The following FRMPD4 variants were observed in gnomAD, a reference collection of about 807,000 sequenced individuals.
The protein encoded by FRMPD4 is FERM and PDZ domain-containing protein 4.
A neutral mutation model predicts 94.1 loss-of-function variants in FRMPD4; 22 were observed. The ratio of observed to expected loss-of-function variants is 0.23; its 90% CI spans 0.17 to 0.33. The LOEUF (loss-of-function observed/expected upper bound fraction) is 0.33. Ranked by LOEUF, FRMPD4 falls within the 10% of genes least tolerant of loss-of-function variation. FRMPD4 has a pLI of 1.00. For synonymous variants in FRMPD4, 631 were observed against 548.6 expected, an observed-to-expected ratio of 1.15 and a Z score of -2.10; for missense variants, 1,111 against 1,339.9, an observed-to-expected ratio of 0.83 and a Z score of 2.67.
chrX:12,169,466 A>C (rs1317711286), intron 1 of FRMPD4, among the ~76,000 whole-genome samples: 2 of 111,831 alleles, frequency 1.8e-5, no homozygotes, highest in Admixed American at 9.5e-5. Context: ...TTTATCACTT[A>C]GATCATAGGT....
chrX:12,636,971 A>G (rs1300789594), intron 4 of FRMPD4, among the ~76,000 whole-genome samples: 4 of 111,986 alleles, frequency 3.6e-5, no homozygotes, highest in Non-Finnish European at 7.5e-5. Flanking sequence ...GTTGCTCCAA[A>G]TCTGGGATGA....
rs763246507 is a variant in FRMPD4 at position 11,847,197 on chromosome X, C to G, written c.-160-17889C>G. 1.2e-4 allele frequency among the ~76,000 whole-genome samples: 13 copies of G among 111,162 alleles called. No individual in the cohort carries two copies. In the East Asian group the frequency reaches 3.1e-3, roughly 26 times the overall value. ...AACAAATTTACAAGCAAAAAACAAA[C>G]AACCCCATCAAAAAGTGGGCGAAGG... On this transcript the variant is annotated intron_variant, in intron 1 of 18. Coordinates refer to the FRMPD4 transcript ENST00000640291.
chrX:12,528,972 C>A (rs2058256793), intron 2 of FRMPD4, among the ~76,000 whole-genome samples: 1 of 112,571 alleles, frequency 8.9e-6, no homozygotes, highest in African/African-American at 3.2e-5. Flanking sequence ...TGTTAGTTAT[C>A]TATTGCTGCA....
intron 3 of FRMPD4, among the ~76,000 whole-genome samples, chrX:11,914,897 A>G (rs1316590439): frequency 1.8e-5 from 2 of 112,449 alleles, no homozygotes; most frequent in Non-Finnish European, 3.8e-5. Context: ...TCACTTAGAC[A>G]TTTTCACGTT....
intron 1 of FRMPD4, among the ~76,000 whole-genome samples, chrX:12,167,254 C>G (rs765730436): frequency 1.8e-5 from 2 of 111,840 alleles, no homozygotes; most frequent in African/African-American, 6.5e-5. Flanking sequence ...TATGTTGTGT[C>G]TTTGTTCTGG....
In FRMPD4 at chrX:12,429,493, C is replaced by G. The variant is rs141378791; in HGVS notation, c.42-69187C>G. 2.1e-3 allele frequency among the ~76,000 whole-genome samples: 230 copies of G among 111,970 alleles called. 1 individual carries two copies. Among genetic ancestry groups the G allele is most frequent in the Admixed American group, 3.4e-3 (36 of 10,620 alleles). On this transcript the variant is annotated intron_variant, in intron 1 of 16. Coordinates refer to ENST00000675598, the MANE Select transcript of FRMPD4 (RefSeq NM_001368397.1). The stretch of plus-strand genomic sequence containing the variant: ...TGCTTCTCCCATTAGCACCCCACCT[C>G]TTCCACCAAAGCACCTAGCTTCCAC...
intron 1 of FRMPD4, among the ~76,000 whole-genome samples, chrX:12,440,722 G>T (rs1437714563): frequency 9.0e-6 from 1 of 110,672 alleles, no homozygotes; most frequent in African/African-American, 3.3e-5. Context: ...AGCAGCAACA[G>T]AAATGAAAAA....
intron 1 of FRMPD4, among the ~76,000 whole-genome samples, chrX:12,310,876 C>T (rs1306922641): frequency 8.9e-6 from 1 of 112,336 alleles, no homozygotes; most frequent in East Asian, 2.8e-4. Context: ...AACTTTCTTT[C>T]TGTTGCCTTG....
chrX:12,609,670 C>G, intron 2 of FRMPD4, 51 bp from the exon 3 acceptor site: 1 of 1,043,909 alleles, frequency 9.6e-7, no homozygotes, highest in Non-Finnish European at 1.3e-6. Context: ...CAGGCCAATG[C>G]CTAAGACATA....
At position 12,325,159 on chromosome X, in the gene FRMPD4, A is replaced by T. The variant is rs913025636; in HGVS notation, c.42-173521A>T. 2.7e-5 allele frequency among the ~76,000 whole-genome samples: 3 copies of T among 112,308 alleles called. No homozygotes were observed. In the East Asian group the frequency reaches 8.3e-4, roughly 31 times the overall value. On this transcript the variant is annotated intron_variant, in intron 1 of 16. Coordinates refer to ENST00000675598, the MANE Select transcript of FRMPD4 (RefSeq NM_001368397.1). The stretch of plus-strand genomic sequence containing the variant: ...ATGAAACTTTCCTATACTATTTTTA[A>T]TTTTTTTGTATTAGACTCATGTGTA...
intron 1 of FRMPD4, among the ~76,000 whole-genome samples, chrX:12,434,504 A>T (rs992563980): frequency 9.8e-5 from 11 of 112,284 alleles, no homozygotes; most frequent in African/African-American, 3.6e-4. Flanking sequence ...CTCTGCCTTA[A>T]ACTCTCCAGG....
chrX:12,422,731 ATAGT>A (rs201472787), intron 1 of FRMPD4, among the ~76,000 whole-genome samples: 4,124 of 112,134 alleles, frequency 0.037, 185 homozygotes, highest in African/African-American at 0.12. Context: ...AAAGTGGGAA[ATAGT>A]TAGTCAATTC....
intron 3 of FRMPD4, among the ~76,000 whole-genome samples, chrX:12,005,412 T>C (rs2054546643): frequency 9.3e-6 from 1 of 107,702 alleles, no homozygotes; most frequent in Non-Finnish European, 1.9e-5. Context: ...GAAATTCAGC[T>C]TGAGCATTAT....
chrX:11,867,238 A>G (rs1292889561), intron 2 of FRMPD4, among the ~76,000 whole-genome samples: 1 of 111,731 alleles, frequency 9.0e-6, no homozygotes, highest in Non-Finnish European at 1.9e-5. Context: ...TATTTACCCA[A>G]AACCTATAGC....
At chrX:12,625,364 A>G (rs1408645307) in intron 4 of FRMPD4, among the ~76,000 whole-genome samples, 3 of 112,007 alleles carry the variant, frequency 2.7e-5, no homozygotes, top group African/African-American at 9.7e-5. Flanking sequence ...ACTATTCACA[A>G]TAGCCAAAAT....
chrX:12,030,416 T>C (rs1898378319), intron 3 of FRMPD4, among the ~76,000 whole-genome samples: 1 of 111,875 alleles, frequency 8.9e-6, no homozygotes, highest in South Asian at 3.8e-4. Context: ...AGCTTTTTTT[T>C]GTGGGGGGGA....
intron 3 of FRMPD4, among the ~76,000 whole-genome samples, chrX:11,935,246 G>T (rs61634161): frequency 0.013 from 77 of 5,995 alleles, no homozygotes; most frequent in African/African-American, 0.049. Flanking sequence ...GCTTTGTTTT[G>T]TTGTTTTTTT....
At chrX:12,510,795 G>A (rs2058034281) in intron 2 of FRMPD4, among the ~76,000 whole-genome samples, 1 of 112,414 alleles carries the variant, frequency 8.9e-6, no homozygotes, top group Non-Finnish European at 1.9e-5. Context: ...AAACAAAAGA[G>A]CGGACCATGC....
chrX:12,614,992 G>A (rs1190116285), intron 4 of FRMPD4, 111 bp downstream of exon 4: 7 of 385,688 alleles, frequency 1.8e-5, no homozygotes, highest in Admixed American at 1.7e-4. Context: ...GGATGGAAAT[G>A]CAAGCCAACA....
Sources: gnomAD v4.1 joint callset for allele counts (sites outside exome capture counted in the v4.1 genomes callset) on GRCh38, gnomAD v4.1.1 for gene constraint, MANE v1.5 for transcripts, NCBI Gene and HGNC (gene_info 2026-07-23, HGNC 2026-07-21) for gene names.